The following NAV3 variants were observed in gnomAD, a reference collection of about 807,000 sequenced individuals.
NAV3 encodes the protein pore membrane and/or filament interacting like protein 1.
A neutral mutation model predicts 244.7 loss-of-function variants in NAV3; 87 were observed. The ratio of observed to expected loss-of-function variants is 0.36; its 90% CI spans 0.30 to 0.42. The LOEUF (loss-of-function observed/expected upper bound fraction) is 0.42. NAV3 is among the 20% of genes least tolerant of loss of function. The probability of loss-of-function intolerance (pLI) is 1.00; values close to 1 mark genes in which losing one functional copy is unlikely to be tolerated. For synonymous variants in NAV3, 1,126 were observed against 1,042.2 expected, an observed-to-expected ratio of 1.08 and a Z score of -1.55; for missense variants, 2,663 against 2,893.3, an observed-to-expected ratio of 0.92 and a Z score of 1.83.
intron 12 of NAV3, among the ~76,000 whole-genome samples, chr12:78,083,402 G>A (rs1953462843): frequency 6.6e-6 from 1 of 152,232 alleles, no homozygotes; most frequent in East Asian, 1.9e-4. Context: ...CCATAACAAA[G>A]TTCCTACCAT....
At position 77,940,745 on chromosome 12, in the gene NAV3, T is replaced by C. The variant is rs555816289; in HGVS notation, c.361+309T>C. 1.8e-3 allele frequency among the ~76,000 whole-genome samples: 278 copies of C among 152,334 alleles called. 3 individuals are homozygous for C. Among genetic ancestry groups the C allele is most frequent in the African/African-American group, 6.4e-3 (268 of 41,592 alleles). On this transcript the variant is annotated intron_variant, in intron 2 of 39. Coordinates refer to ENST00000397909, the MANE Select transcript of NAV3 (RefSeq NM_001024383.2). ...TCTCCCATGTGTGTATTTCGTTAGC[T>C]GGAGCAACTCATACACTCTGAGATG...
intron 2 of NAV3, among the ~76,000 whole-genome samples, chr12:77,677,824 G>C (rs1448850423): frequency 2.0e-5 from 3 of 152,122 alleles, no homozygotes; most frequent in Non-Finnish European, 4.4e-5. Flanking sequence ...AATACATTGC[G>C]CTGTTCAAAA....
At chr12:77,924,361 T>G (rs548113085) in intron 1 of NAV3, among the ~76,000 whole-genome samples, 2 of 152,242 alleles carry the variant, frequency 1.3e-5, no homozygotes, top group South Asian at 4.1e-4. Flanking sequence ...TCCACCTAAA[T>G]GCAAGGAGAG....
intron 1 of NAV3, among the ~76,000 whole-genome samples, chr12:77,872,235 T>A (rs978044988): frequency 6.6e-6 from 1 of 152,212 alleles, no homozygotes. Context: ...GTATACTATA[T>A]TAACTTGCAA....
intron 31 of NAV3, among the ~76,000 whole-genome samples, chr12:78,187,270 G>A (rs955097079): frequency 1.3e-4 from 19 of 150,574 alleles, no homozygotes; most frequent in Admixed American, 9.9e-4. Flanking sequence ...AGCCAGCTAA[G>A]TGATTTACCT....
intron 9 of NAV3, among the ~76,000 whole-genome samples, chr12:78,031,383 T>TAAG (rs1878955501): frequency 6.6e-6 from 1 of 152,052 alleles, no homozygotes; most frequent in East Asian, 1.9e-4. Flanking sequence ...GAAATTGATA[T>TAAG]AAGTGGAGCC....
At chr12:77,953,798 A>T (rs1457498875) in intron 3 of NAV3, among the ~76,000 whole-genome samples, 1 of 152,164 alleles carries the variant, frequency 6.6e-6, no homozygotes, top group Non-Finnish European at 1.5e-5. Context: ...GCTCACAATG[A>T]TCCCTGCTCA....
chr12:78,174,992 G>A (rs2595027), intron 24 of NAV3, among the ~76,000 whole-genome samples: 6,908 of 152,044 alleles, frequency 0.045, 184 homozygotes, highest in Non-Finnish European at 0.071. Context: ...TTTTGGAAGA[G>A]CTGCTTGATC....
At chr12:77,713,079 C>T (rs575161134) in intron 2 of NAV3, among the ~76,000 whole-genome samples, 37 of 152,276 alleles carry the variant, frequency 2.4e-4, no homozygotes, top group African/African-American at 3.6e-4. Flanking sequence ...TTCTACCAAC[C>T]GAGAGATTGC....
In NAV3 at chr12:77,794,387, T is replaced by TA. The variant is rs202193637; in HGVS notation, c.73-145931dup. Among the ~76,000 whole-genome samples the TA allele has an allele frequency of 5.9e-3, 898 of 152,318 alleles. 9 individuals carry two copies. Among genetic ancestry groups the TA allele is most frequent in the African/African-American group, 0.021 (864 of 41,574 alleles). On this transcript the variant is annotated intron_variant, in intron 2 of 8. Coordinates refer to the NAV3 transcript ENST00000550042. ...AGGGTCTTCTTTTGCTTATTGCACT[T>TA]ATACTAAGTCATTTTCAAGATCCCT... is the stretch of plus-strand genomic sequence containing the variant.
chr12:78,155,745 T>A (rs1957276240), intron 22 of NAV3, among the ~76,000 whole-genome samples: 1 of 151,818 alleles, frequency 6.6e-6, no homozygotes, highest in Non-Finnish European at 1.5e-5. Flanking sequence ...GTTTTGATGT[T>A]ACCCTTTTTT....
chr12:78,203,329 C>G (rs1959930131), intron 38 of NAV3, among the ~76,000 whole-genome samples: 1 of 151,938 alleles, frequency 6.6e-6, no homozygotes. Context: ...ATTAAGCTTT[C>G]CAAGAATTAT....
At chr12:77,901,954 A>G (rs1885350208) in intron 1 of NAV3, among the ~76,000 whole-genome samples, 1 of 152,190 alleles carries the variant, frequency 6.6e-6, no homozygotes, top group Non-Finnish European at 1.5e-5. Flanking sequence ...GTTGTCCACC[A>G]TATGTATATG....
In NAV3 at chr12:78,050,120, T is replaced by A; in HGVS notation, c.2132+19T>A. 1 of 1,535,262 alleles carries A rather than the reference T, an allele frequency of 6.5e-7. No individual in the cohort carries two copies. The highest frequency in any genetic ancestry group is 8.9e-7 in the Non-Finnish European group (1 of 1,118,330). ...GCCACAGGTTTTTTTCAATTTTGCA[T>A]ATATTTGAGCCAATAAAGAAAAAAT... On this transcript the variant is annotated intron_variant, in intron 10 of 39. Transcript: ENST00000397909.
chr12:77,625,535 G>A (rs1221034353), intron 2 of NAV3, among the ~76,000 whole-genome samples: 5 of 152,070 alleles, frequency 3.3e-5, no homozygotes, highest in Non-Finnish European at 7.4e-5. Flanking sequence ...AAGAAATTTT[G>A]TGTCTTAACT....
intron 39 of NAV3, among the ~76,000 whole-genome samples, chr12:78,207,226 A>G (rs1350582650): frequency 6.6e-6 from 1 of 152,208 alleles, no homozygotes; most frequent in Admixed American, 6.6e-5. Flanking sequence ...AAATCCCCAT[A>G]GCAATGAGTG....
chr12:77,687,177 G>A (rs371501366), intron 2 of NAV3, among the ~76,000 whole-genome samples: 7 of 151,946 alleles, frequency 4.6e-5, no homozygotes, highest in African/African-American at 7.3e-5. Context: ...CTATCAGCCC[G>A]GAAAACTGTG....
At chr12:77,913,514 C>A (rs1248876952) in intron 1 of NAV3, among the ~76,000 whole-genome samples, 1 of 151,986 alleles carries the variant, frequency 6.6e-6, no homozygotes, top group Non-Finnish European at 1.5e-5. Context: ...TTCACTGCAA[C>A]CTCCCGTACT....
In NAV3 at chr12:78,200,469, T is replaced by A. The variant is rs748441587; in HGVS notation, c.6716-4T>A. 1.9e-5 allele frequency: 29 copies of A among 1,516,578 alleles called. No homozygotes were observed. Among genetic ancestry groups the A allele is most frequent in the Non-Finnish European group, 2.5e-5 (28 of 1,118,314 alleles). 93.9% of individuals were successfully genotyped at this position (1,516,578 alleles called of 1,614,324 possible). A position where few individuals can be genotyped will look rare whatever the true frequency, so the allele number is the denominator to read the frequency against. ...AAAATATTTTGTTATTTATTTCTTA[T>A]CAGGTCCCCGACTATTCCTTCCTTG... is the stretch of plus-strand genomic sequence containing the variant. On this transcript the variant is annotated splice_region_variant and splice_polypyrimidine_tract_variant and intron_variant, in intron 37 of 39. Coordinates refer to ENST00000397909, the MANE Select transcript of NAV3 (RefSeq NM_001024383.2).
Sources: allele counts gnomAD v4.1 joint callset (sites outside exome capture counted in the v4.1 genomes callset), GRCh38; gene constraint gnomAD v4.1.1; transcripts MANE v1.5; gene names NCBI Gene and HGNC (gene_info 2026-07-23, HGNC 2026-07-21).